The following SLC6A2 variants were observed in gnomAD, a reference collection of about 807,000 sequenced individuals.
The protein encoded by SLC6A2 is sodium-dependent noradrenaline transporter.
In SLC6A2, 26 loss-of-function variants were observed where a neutral mutation model predicts 71.7. That is an observed-to-expected ratio of 0.36 (90% CI 0.27 to 0.50). SLC6A2 has a LOEUF of 0.50. SLC6A2 is among the 20% of genes least tolerant of loss of function. The pLI is 0.96. For synonymous variants in SLC6A2, 363 were observed against 337.9 expected (o/e 1.07, Z -0.82); for missense variants, 581 against 803.9 (o/e 0.72, Z 3.35).
In SLC6A2 at chr16:55,704,978, T is replaced by A; in HGVS notation, c.*2632T>A. ...CCACCCACATTTAATGGAGAGAGAG[T>A]ATGGGCTTTATGTTAAGTCATCTTT... On this transcript the variant is annotated 3_prime_UTR_variant, in exon 15 of 15. Coordinates refer to ENST00000568943, the MANE Select transcript of SLC6A2 (RefSeq NM_001172501.3). 2 of 415,648 alleles carry A rather than the reference T, an allele frequency of 4.8e-6. No homozygotes were observed. The highest frequency in any genetic ancestry group is 8.6e-6 in the Non-Finnish European group (2 of 233,536). 25.7% of individuals were successfully genotyped at this position (415,648 alleles called of 1,614,324 possible). A position where few individuals can be genotyped will look rare whatever the true frequency, so the allele number is the denominator to read the frequency against.
In SLC6A2 at chr16:55,703,680, T is replaced by C. The variant is rs1597022125; in HGVS notation, c.*1334T>C. The C allele has an allele frequency of 1.0e-6, 1 of 985,316 alleles. No homozygotes were observed. The highest frequency in any genetic ancestry group is 1.2e-6 in the Non-Finnish European group (1 of 829,926). The allele number at this position is 985,316 out of a possible 1,614,324, so 61.0% of individuals were successfully genotyped here. A position where few individuals can be genotyped will look rare whatever the true frequency, so the allele number is the denominator to read the frequency against. On this transcript the variant is annotated 3_prime_UTR_variant, in exon 15 of 15. Coordinates refer to ENST00000568943, the MANE Select transcript of SLC6A2 (RefSeq NM_001172501.3). ...CATCTTTGGGAGGGGTTTCTGTTTA[T>C]GGTTAGAGTCTCTTACACCCTTGTT...
At chr16:55,686,279 G>T (rs1244375360) in intron 5 of SLC6A2, among the ~76,000 whole-genome samples, 1 of 152,164 alleles carries the variant, frequency 6.6e-6, no homozygotes, top group African/African-American at 2.4e-5. Context: ...AGCTAAGTTG[G>T]AGCTGCCAAC....
intron 4 of SLC6A2, among the ~76,000 whole-genome samples, chr16:55,684,552 T>C (rs528124256): frequency 6.6e-6 from 1 of 152,304 alleles, no homozygotes; most frequent in South Asian, 2.1e-4. Context: ...AATGTTCACT[T>C]TTGTCTCAGT....
intron 2 of SLC6A2, among the ~76,000 whole-genome samples, chr16:55,665,855 G>A (rs760326721): frequency 2.0e-5 from 3 of 152,218 alleles, no homozygotes; most frequent in Non-Finnish European, 1.5e-5. Flanking sequence ...TGGGATGGGA[G>A]GCAGTGTGGT....
In SLC6A2 at chr16:55,701,914, A is replaced by G; in HGVS notation, c.1810A>G (p.Arg604Gly). The change falls in exon 14 of 15, where the codon AGG becomes GGG. Residue 604 changes from arginine to glycine, a missense_variant. Physicochemically the swap from Arg to Gly is moderately radical, Grantham distance 125 (BLOSUM62 -2). This residue lies in a region of SLC6A2 where 334 missense variants were observed against 449.0 expected (regional missense o/e 0.74). Coordinates refer to ENST00000568943, the MANE Select transcript of SLC6A2 (RefSeq NM_001172501.3). The part of the protein sequence containing the change: ...PENEHHLVAQ[R>G]DIRQFQLQHW... ...GAACGAGCACCACCTGGTGGCTCAG[A>G]GGGACATCAGACAGTTCCAGGTGGG... The G allele has an allele frequency of 1.9e-6, 3 of 1,613,854 alleles. No individual in the cohort carries two copies. Among genetic ancestry groups the G allele is most frequent in the Non-Finnish European group, 2.5e-6 (3 of 1,179,716 alleles).
At position 55,697,828 on chromosome 16, in the gene SLC6A2, C is replaced by T. The variant is rs1446826657; in HGVS notation, c.1261-69C>T. ...CTGGGCTGCAGGAGGCTCTAGGAAC[C>T]CTGGGGCCTGAGACTGAGGTCCAGG... is the stretch of plus-strand genomic sequence containing the variant. On this transcript the variant is annotated intron_variant, in intron 9 of 14. Coordinates refer to ENST00000568943, the MANE Select transcript of SLC6A2 (RefSeq NM_001172501.3). 3.1e-6 allele frequency: 5 copies of T among 1,589,770 alleles called. No individual in the cohort carries two copies. The African/African-American group carries it at 6.7e-5, about 21-fold the overall frequency.
intron 2 of SLC6A2, among the ~76,000 whole-genome samples, chr16:55,660,865 C>T (rs781700740): frequency 1.3e-5 from 2 of 152,260 alleles, no homozygotes; most frequent in Admixed American, 6.5e-5. Context: ...TTCATGCTGG[C>T]CCAGAATGGA....
chr16:55,680,376 T>C (rs1395270260), intron 4 of SLC6A2, among the ~76,000 whole-genome samples: 1 of 152,030 alleles, frequency 6.6e-6, no homozygotes, highest in Non-Finnish European at 1.5e-5. Context: ...GATAACAAAG[T>C]GATGTCCCAC....
intron 7 of SLC6A2, 50 bp from the exon 8 acceptor site, chr16:55,695,228 C>G: frequency 6.2e-7 from 1 of 1,612,474 alleles, no homozygotes; most frequent in Non-Finnish European, 8.5e-7. Flanking sequence ...AGTCAAAACA[C>G]AGGGTTGAGG....
Position 55,671,647 on chromosome 16 carries a change from G to A in SLC6A2, c.407-291G>A, listed in dbSNP as rs576550994. 1.5e-5 allele frequency: 9 copies of A among 590,008 alleles called. No homozygotes were observed. The South Asian group carries it at 2.2e-4, about 14-fold the overall frequency. The allele number at this position is 590,008 out of a possible 1,614,324, so 36.5% of individuals were successfully genotyped here. ...TTCTCATAGGAGCGCAACCCCTACTGTGAACTGCGCATGCGAGGGATCTAG... is the reference window on the plus strand; with the variant it reads ...TTCTCATAGGAGCGCAACCCCTACTATGAACTGCGCATGCGAGGGATCTAG... On this transcript the variant is annotated intron_variant, in intron 3 of 14. Transcript: ENST00000568943.
intron 4 of SLC6A2, among the ~76,000 whole-genome samples, chr16:55,681,433 C>T (rs1374944578): frequency 3.3e-5 from 5 of 152,206 alleles, no homozygotes; most frequent in South Asian, 2.1e-4. Flanking sequence ...TGAAAGGATT[C>T]GGGTCACACA....
At chr16:55,692,156 G>A in intron 6 of SLC6A2, 104 bp downstream of exon 6, 2 of 1,333,938 alleles carry the variant, frequency 1.5e-6, no homozygotes, top group East Asian at 4.6e-5. Flanking sequence ...CAAATGTGCA[G>A]TGTAGCCTTG....
In SLC6A2 at chr16:55,704,337, C is replaced by T. The variant is rs1286112734; in HGVS notation, c.*1991C>T. On this transcript the variant is annotated 3_prime_UTR_variant, in exon 15 of 15. Transcript: ENST00000568943. ...TTGCTCAAGGTTTTTTAGCAACTAA[C>T]AGATCGAGTTGGGCCTTCAATTCAC... The T allele has an allele frequency of 6.6e-6, 1 of 152,202 alleles. No homozygotes were observed. The highest frequency in any genetic ancestry group is 1.9e-4 in the East Asian group (1 of 5,196). 9.4% of individuals were successfully genotyped at this position (152,202 alleles called of 1,614,324 possible).
chr16:55,663,020 A>T (rs1964651737), intron 2 of SLC6A2, among the ~76,000 whole-genome samples: 1 of 152,182 alleles, frequency 6.6e-6, no homozygotes, highest in African/African-American at 2.4e-5. Flanking sequence ...GCATTCCCAC[A>T]AGAATGCCCC....
Position 55,656,960 on chromosome 16 carries a change from A to C in SLC6A2, c.266A>C (p.Asn89Thr). 1.9e-6 allele frequency: 3 copies of C among 1,613,294 alleles called. No homozygotes were observed. The highest frequency in any genetic ancestry group is 2.5e-6 in the Non-Finnish European group (3 of 1,179,630). ...VWRFPYLCYK[N>T]GGGAFLIPYT... ...CGCTTCCCCTACCTCTGCTACAAGAACGGCGGCGGTGAGCGTGGGGTCGGG... is the reference window on the plus strand; with the variant it reads ...CGCTTCCCCTACCTCTGCTACAAGACCGGCGGCGGTGAGCGTGGGGTCGGG... The change falls in exon 2 of 15, where the codon AAC (asparagine) becomes ACC (threonine). Residue 89 changes from asparagine (N) to threonine (T), a missense_variant. Around this residue, in one of 5 missense-constraint regions of SLC6A2, gnomAD observed 81 missense variants for 152.4 expected, o/e 0.53. Transcript: ENST00000568943. The surrounding 1 kb of genome is among the most constrained non-coding windows in gnomAD (Gnocchi z 4.5).
chr16:55,671,924 CT>C lies in SLC6A2; in HGVS notation c.407-13del, dbSNP rs778951388. 1.3e-5 allele frequency: 21 copies of C among 1,614,058 alleles called. No homozygotes were observed. Among genetic ancestry groups the C allele is most frequent in the African/African-American group, 1.2e-4 (9 of 75,036 alleles). ...GCCTGGGAGACTCCTACCTTACCCC[CT>C]GTCCCTGCCCAGGCGTTGGCTATGC... On this transcript the variant is annotated splice_polypyrimidine_tract_variant and intron_variant, in intron 3 of 14. Coordinates refer to ENST00000568943, the MANE Select transcript of SLC6A2 (RefSeq NM_001172501.3).
At chr16:55,695,149 C>T in intron 7 of SLC6A2, 129 bp from the exon 8 acceptor site, 1 of 1,026,970 alleles carries the variant, frequency 9.7e-7, no homozygotes, top group East Asian at 2.4e-5. Context: ...CATGTGGCAG[C>T]AGGAGCCACT....
In SLC6A2 at chr16:55,703,769, C is replaced by G; in HGVS notation, c.*1423C>G. On this transcript the variant is annotated 3_prime_UTR_variant, in exon 15 of 15. Coordinates refer to ENST00000568943, the MANE Select transcript of SLC6A2 (RefSeq NM_001172501.3). The stretch of plus-strand genomic sequence containing the variant: ...GGGATCTTGGGAAAAAATAAAGAAG[C>G]CGCTGCATTCGCACGTCAAGAAGGT... 1.0e-6 allele frequency: 1 copy of G among 985,352 alleles called. No individual in the cohort carries two copies. The highest frequency in any genetic ancestry group is 1.2e-6 in the Non-Finnish European group (1 of 829,922). 61.0% of individuals were successfully genotyped at this position (985,352 alleles called of 1,614,324 possible).
intron 13 of SLC6A2, among the ~76,000 whole-genome samples, chr16:55,700,983 T>A (rs144303737): frequency 6.6e-6 from 1 of 152,192 alleles, no homozygotes; most frequent in East Asian, 1.9e-4. Context: ...ATAGTGATAA[T>A]CTTTTCCTCA....
Sources: gnomAD v4.1 joint callset for allele counts (sites outside exome capture counted in the v4.1 genomes callset) on GRCh38, gnomAD v4.1.1 for gene constraint, gnomAD v4.1.1 regional missense constraint, Gnocchi (gnomAD v3.1) non-coding constraint, MANE v1.5 for transcripts, NCBI Gene and HGNC (gene_info 2026-07-23, HGNC 2026-07-21) for gene names.